Variants in CNTN4 observed in about 807,000 individuals in gnomAD.
The protein encoded by CNTN4 is contactin-4.
Under a neutral mutation model 122.5 loss-of-function variants are expected in CNTN4, and 77 were observed. The observed-to-expected ratio is 0.63, with a 90% CI of 0.52 to 0.76. The LOEUF is 0.76. Ranked by LOEUF, CNTN4 falls within the 30% of genes least tolerant of loss-of-function variation. The probability of loss-of-function intolerance (pLI) is 0.00; values close to 1 mark genes in which losing one functional copy is unlikely to be tolerated. For synonymous variants in CNTN4, 512 were observed against 447.0 expected (o/e 1.15, Z -1.83); for missense variants, 1,256 against 1,259.1 (o/e 1.00, Z 0.04).
intron 15 of CNTN4, among the ~76,000 whole-genome samples, chr3:3,028,580 G>T (rs1698920550): frequency 6.6e-6 from 1 of 152,124 alleles, no homozygotes; most frequent in African/African-American, 2.4e-5. Context: ...TGAATAAAGT[G>T]AATTAGATAG....
In CNTN4 at chr3:2,823,771, AT is replaced by A. The variant is rs536697504; in HGVS notation, c.454+4191del. Among the ~76,000 whole-genome samples, 56 of 152,294 alleles carry A rather than the reference AT, an allele frequency of 3.7e-4. No individual in the cohort carries two copies. In the East Asian group the frequency reaches 8.9e-3, roughly 24 times the overall value. ...ACGAAAATTTCTAGTTTATTCCTCA[AT>A]AAAATCCTCACAAACTGTTCATCAA... On this transcript the variant is annotated intron_variant, in intron 7 of 24. Transcript: ENST00000418658.
At chr3:2,190,145 T>G (rs1464415714) in intron 2 of CNTN4, among the ~76,000 whole-genome samples, 2 of 152,224 alleles carry the variant, frequency 1.3e-5, no homozygotes, top group Non-Finnish European at 2.9e-5. Flanking sequence ...TCTGCCCAAC[T>G]CTAACCTTTG....
At chr3:2,450,319 A>G (rs942212883) in intron 3 of CNTN4, among the ~76,000 whole-genome samples, 2 of 152,012 alleles carry the variant, frequency 1.3e-5, no homozygotes, top group Non-Finnish European at 2.9e-5. Flanking sequence ...GTGAGCTGAG[A>G]TCACACCACT....
chr3:2,264,128 C>A (rs533770317), intron 2 of CNTN4, among the ~76,000 whole-genome samples: 15 of 152,158 alleles, frequency 9.9e-5, no homozygotes, highest in Non-Finnish European at 4.4e-5. Context: ...TGGATATACA[C>A]CTAGCAGTGA....
chr3:2,902,527 C>A (rs1448689638), intron 11 of CNTN4, among the ~76,000 whole-genome samples: 1 of 152,112 alleles, frequency 6.6e-6, no homozygotes, highest in Non-Finnish European at 1.5e-5. Flanking sequence ...ATTTCCGAAA[C>A]CCCCTAACTC....
At chr3:2,153,429 A>G (rs764217099) in intron 2 of CNTN4, among the ~76,000 whole-genome samples, 1 of 152,228 alleles carries the variant, frequency 6.6e-6, no homozygotes, top group Non-Finnish European at 1.5e-5. Flanking sequence ...TGGTCATTGG[A>G]TGTGGTAACC....
At chr3:2,478,226 C>T (rs533586397) in intron 3 of CNTN4, among the ~76,000 whole-genome samples, 21 of 152,122 alleles carry the variant, frequency 1.4e-4, no homozygotes, top group African/African-American at 2.9e-4. Context: ...TTCAGAGTGT[C>T]GCATAATGCA....
At chr3:2,340,713 A>AGAGAGAGAGAGAGAGAGAGAGAGAGG (rs2044173413) in intron 3 of CNTN4, among the ~76,000 whole-genome samples, 1 of 124,110 alleles carries the variant, frequency 8.1e-6, no homozygotes, top group African/African-American at 3.1e-5. Flanking sequence ...ATATATATAG[A>AGAGAGAGAGAGAGAGAGAGAGAGAGG]GAGAGAGAGA....
chr3:2,386,035 C>T (rs1359854185), intron 3 of CNTN4, among the ~76,000 whole-genome samples: 2 of 152,070 alleles, frequency 1.3e-5, no homozygotes, highest in African/African-American at 2.4e-5. Flanking sequence ...ATACCTTGCA[C>T]ACACTACTTA....
intron 14 of CNTN4, among the ~76,000 whole-genome samples, chr3:3,014,312 C>T (rs1438357688): frequency 6.6e-6 from 1 of 152,156 alleles, no homozygotes; most frequent in South Asian, 2.1e-4. Flanking sequence ...GCAAAACCTA[C>T]TTGTCATTTT....
intron 2 of CNTN4, among the ~76,000 whole-genome samples, chr3:2,311,398 A>G (rs1423208807): frequency 6.6e-6 from 1 of 152,162 alleles, no homozygotes; most frequent in African/African-American, 2.4e-5. Context: ...TTAAAAATAT[A>G]TCAAACAGAA....
chr3:2,478,494 C>T (rs565406153), intron 3 of CNTN4, among the ~76,000 whole-genome samples: 3 of 151,470 alleles, frequency 2.0e-5, no homozygotes, highest in East Asian at 1.9e-4. Flanking sequence ...TAAACATGTG[C>T]CATGATGGTT....
At chr3:2,838,724 GC>G (rs1423323505) in intron 7 of CNTN4, among the ~76,000 whole-genome samples, 1 of 152,076 alleles carries the variant, frequency 6.6e-6, no homozygotes, top group Non-Finnish European at 1.5e-5. Flanking sequence ...TTGCAGTTCT[GC>G]CTTCAACACA....
At chr3:2,835,354 T>C (rs1218892645) in intron 7 of CNTN4, among the ~76,000 whole-genome samples, 1 of 152,224 alleles carries the variant, frequency 6.6e-6, no homozygotes, top group Non-Finnish European at 1.5e-5. Context: ...TATTTGTTAC[T>C]TAACTTGATA....
rs537526179 is a variant in CNTN4 at position 2,548,800 on chromosome 3, A to G, written c.-88-22616A>G. On this transcript the variant is annotated intron_variant, in intron 3 of 24. Coordinates refer to ENST00000418658, the MANE Select transcript of CNTN4 (RefSeq NM_175607.3). ...CATTTTCATGATATTGATTCTTCCT[A>G]TCCATGAGCATGGAATGTTTTTCCT... Among the ~76,000 whole-genome samples, 10 of 152,260 alleles carry G rather than the reference A, an allele frequency of 6.6e-5. No homozygotes were observed. The East Asian group carries it at 1.7e-3, about 26-fold the overall frequency.
intron 13 of CNTN4, among the ~76,000 whole-genome samples, chr3:2,939,071 T>A (rs1386857926): frequency 6.6e-6 from 1 of 152,230 alleles, no homozygotes; most frequent in Non-Finnish European, 1.5e-5. Context: ...TGATGCCATG[T>A]AAATATTGAA....
chr3:2,966,497 G>A (rs1021928469), intron 13 of CNTN4, among the ~76,000 whole-genome samples: 1 of 152,136 alleles, frequency 6.6e-6, no homozygotes, highest in African/African-American at 2.4e-5. Context: ...GGGTGGAAAA[G>A]GGGTGATAGT....
intron 2 of CNTN4, among the ~76,000 whole-genome samples, chr3:2,267,553 T>A (rs1328616121): frequency 6.6e-6 from 1 of 152,130 alleles, no homozygotes; most frequent in African/African-American, 2.4e-5. Flanking sequence ...ATATCTCATC[T>A]GTGACTCATG....
intron 3 of CNTN4, among the ~76,000 whole-genome samples, chr3:2,355,259 C>T (rs1349216182): frequency 6.6e-6 from 1 of 152,188 alleles, no homozygotes; most frequent in Non-Finnish European, 1.5e-5. Flanking sequence ...ATATTTTGCT[C>T]AAGATCACCT....
Sources: allele counts gnomAD v4.1 joint callset (sites outside exome capture counted in the v4.1 genomes callset), GRCh38; gene constraint gnomAD v4.1.1; transcripts MANE v1.5; gene names NCBI Gene and HGNC (gene_info 2026-07-23, HGNC 2026-07-21).